The following PRKAR1A variants were observed in gnomAD, a reference collection of about 807,000 sequenced individuals.
The protein encoded by PRKAR1A is protein kinase cAMP-dependent type I regulatory subunit alpha, also known as cAMP-dependent protein kinase type I-alpha regulatory subunit.
A neutral mutation model predicts 52.0 loss-of-function variants in PRKAR1A; 3 were observed. The observed-to-expected ratio is 0.06, with a 90% CI of 0.03 to 0.15. The LOEUF is 0.15. Among genes scored for constraint, PRKAR1A ranks in the 10% least tolerant of loss-of-function variants. The probability of loss-of-function intolerance (pLI) is 1.00; values close to 1 mark genes in which losing one functional copy is unlikely to be tolerated. For missense variants in PRKAR1A, 240 were observed against 477.4 expected, an observed-to-expected ratio of 0.50 and a Z score of 4.63; for synonymous variants, 188 against 168.4, an observed-to-expected ratio of 1.12 and a Z score of -0.90.
At chr17:68,428,833 G>C in the PRKAR1A span, 1 of 1,612,136 alleles carries the variant, frequency 6.2e-7, no homozygotes, top group African/African-American at 1.3e-5. Context: ...CTTCACCTGT[G>C]GGTTTTGATT....
chr17:68,544,251 C>T (rs572934205), intron 11 of PRKAR1A, among the ~76,000 whole-genome samples: 4 of 151,804 alleles, frequency 2.6e-5, no homozygotes, highest in Admixed American at 2.6e-4. Context: ...ACCATCATCC[C>T]CTCAGAGAAA....
At chr17:68,524,772 T>C (rs943828095) in intron 5 of PRKAR1A, 140 bp from the exon 6 acceptor site, 2 of 721,424 alleles carry the variant, frequency 2.8e-6, no homozygotes, top group Non-Finnish European at 4.7e-6. Context: ...TTGCTTGATT[T>C]TCTTTCCCCT....
At chr17:68,414,164 T>A in the PRKAR1A span, 2 of 152,420 alleles carry the variant, frequency 1.3e-5, no homozygotes, top group Admixed American at 6.5e-5. Flanking sequence ...TTCTTATAGA[T>A]GGCTTTTATT....
intron 11 of PRKAR1A, among the ~76,000 whole-genome samples, chr17:68,548,294 C>G (rs558553272): frequency 1.3e-5 from 2 of 152,066 alleles, no homozygotes; most frequent in East Asian, 3.9e-4. Flanking sequence ...CTTTGGGAGG[C>G]TGAGGTGGGC....
At chr17:68,505,768 T>G in the PRKAR1A span, among the ~76,000 whole-genome samples, 4 of 152,096 alleles carry the variant, frequency 2.6e-5, no homozygotes, top group Non-Finnish European at 5.9e-5. Context: ...GAGCTGAGAT[T>G]GAGATTGTGC....
At chr17:68,541,612 A>G (rs2086297496) in intron 11 of PRKAR1A, 1 of 200,346 alleles carries the variant, frequency 5.0e-6, no homozygotes, top group Middle Eastern at 1.9e-3. Flanking sequence ...TTGCTCGGGA[A>G]CCAGGTGTCC....
chr17:68,439,073 A>C, the PRKAR1A span, among the ~76,000 whole-genome samples: 3 of 152,230 alleles, frequency 2.0e-5, no homozygotes, highest in Non-Finnish European at 4.4e-5. Flanking sequence ...TGGAACGTTT[A>C]GCAGTTCTTC....
rs1466357740 is a variant in PRKAR1A, at chr17:68,530,340, A to G, written c.1037A>G (p.Lys346Arg). 1.2e-6 allele frequency: 2 copies of G among 1,614,004 alleles called. No individual in the cohort carries two copies. Among genetic ancestry groups the G allele is most frequent in the Non-Finnish European group, 1.7e-6 (2 of 1,180,002 alleles). ...AATVVARGPL[K>R]CVKLDRPRFE... is the part of the protein sequence containing the mutation. ...ACAGTTGTTGCTCGTGGCCCCTTGA[A>G]GTGCGTTAAGCTGGACCGACCTAGA... The change falls in exon 11 of 11, where the codon AAG (lysine) becomes AGG (arginine). Residue 346 changes from lysine to arginine, a missense_variant. This residue lies in a region of PRKAR1A where 26 missense variants were observed against 53.6 expected (regional missense o/e 0.48). Coordinates refer to ENST00000589228, the MANE Select transcript of PRKAR1A (RefSeq NM_002734.5).
chr17:68,550,862 G>A (rs1168861749), intron 11 of PRKAR1A, among the ~76,000 whole-genome samples: 2 of 152,220 alleles, frequency 1.3e-5, no homozygotes, highest in Non-Finnish European at 2.9e-5. Context: ...TTAAGGAGGT[G>A]CTTTCGCCAA....
chr17:68,536,095 G>C (rs1437037045), downstream of PRKAR1A: 1 of 454,056 alleles, frequency 2.2e-6, no homozygotes, highest in Non-Finnish European at 4.4e-6. Context: ...CAAAGTCCAG[G>C]GGCAGCATAC....
the PRKAR1A span, chr17:68,421,940 T>A: frequency 7.5e-7 from 1 of 1,331,448 alleles, no homozygotes; most frequent in Non-Finnish European, 1.1e-6. Flanking sequence ...ACTGTGGAAT[T>A]TTTCTGTCTG....
At chr17:68,467,241 C>T in the PRKAR1A span, among the ~76,000 whole-genome samples, 1 of 152,230 alleles carries the variant, frequency 6.6e-6, no homozygotes. Flanking sequence ...TTATTTGGTA[C>T]GTGTTTTCAA....
chr17:68,417,479 G>A, the PRKAR1A span, among the ~76,000 whole-genome samples: 2 of 152,036 alleles, frequency 1.3e-5, no homozygotes, highest in Non-Finnish European at 2.9e-5. Flanking sequence ...GCGGTGGGGG[G>A]TGGCGCTTGA....
rs148840877 is a variant in PRKAR1A, at chr17:68,540,545, A to G, written c.974-10539A>G. ...TATTTGTGTACTTTCTTCCCTTCCTACCTGGTTTCCCCTCACTTGGTGAAG... is the reference window on the plus strand; with the variant it reads ...TATTTGTGTACTTTCTTCCCTTCCTGCCTGGTTTCCCCTCACTTGGTGAAG... On this transcript the variant is annotated intron_variant, in intron 11 of 11. Transcript: ENST00000585981. 14 of 510,546 alleles carry G rather than the reference A, an allele frequency of 2.7e-5. No individual in the cohort carries two copies. In the East Asian group the frequency reaches 7.6e-4, roughly 28 times the overall value. 31.6% of individuals were successfully genotyped at this position (510,546 alleles called of 1,614,324 possible).
chr17:68,477,241 A>AT, the PRKAR1A span, among the ~76,000 whole-genome samples: 1 of 151,646 alleles, frequency 6.6e-6, no homozygotes, highest in African/African-American at 2.4e-5. Context: ...ATATCAGAAC[A>AT]CTCATCCTTC....
At chr17:68,438,291 C>A in the PRKAR1A span, among the ~76,000 whole-genome samples, 1 of 152,202 alleles carries the variant, frequency 6.6e-6, no homozygotes, top group Non-Finnish European at 1.5e-5. Context: ...CTGGCCCCAG[C>A]CTTAGAAGAG....
chr17:68,426,251 G>GGGGGGGGGGGGGGGGTGT, the PRKAR1A span: 1 of 825,460 alleles, frequency 1.2e-6, no homozygotes, highest in Non-Finnish European at 1.9e-6. Flanking sequence ...GTGGGGAGCG[G>GGGGGGGGGGGGGGGGTGT]GGGCTCAAAT....
At chr17:68,432,171 G>A in the PRKAR1A span, among the ~76,000 whole-genome samples, 1 of 152,154 alleles carries the variant, frequency 6.6e-6, no homozygotes, top group Non-Finnish European at 1.5e-5. Flanking sequence ...AAAGATGAAG[G>A]AGCGAGAAGG....
Position 68,532,739 on chromosome 17 carries a change from TA to T in PRKAR1A, c.*2295del. 1 of 1,066,138 alleles carries T rather than the reference TA, an allele frequency of 9.4e-7. No individual in the cohort carries two copies. The highest frequency in any genetic ancestry group is 1.1e-6 in the Non-Finnish European group (1 of 879,460). 66.0% of individuals were successfully genotyped at this position (1,066,138 alleles called of 1,614,324 possible). ...ATTGTCTTAATGGTAGGTCAAGTAA[TA>T]AAAAGAGATGAAATAATTTAAATTC... On this transcript the variant is annotated 3_prime_UTR_variant, in exon 11 of 11. Coordinates refer to ENST00000589228, the MANE Select transcript of PRKAR1A (RefSeq NM_002734.5).
Sources: gnomAD v4.1 joint callset for allele counts (sites outside exome capture counted in the v4.1 genomes callset) on GRCh38, gnomAD v4.1.1 for gene constraint, gnomAD v4.1.1 regional missense constraint, MANE v1.5 for transcripts, NCBI Gene and HGNC (gene_info 2026-07-23, HGNC 2026-07-21) for gene names.